PAK1: variants seen among roughly 807,000 people sequenced by gnomAD.
PAK1 encodes the protein p21 (RAC1) activated kinase 1.
In PAK1, 29 loss-of-function variants were observed where a neutral mutation model predicts 67.4. The observed-to-expected ratio is 0.43, with a 90% confidence interval of 0.32 to 0.59. PAK1 has a LOEUF of 0.59. PAK1 is among the 20% of genes least tolerant of loss of function. The pLI, the probability that PAK1 is intolerant of heterozygous loss-of-function variation, is 0.07. For synonymous variants in PAK1, 223 were observed against 237.4 expected, an observed-to-expected ratio of 0.94 and a Z score of 0.56; for missense variants, 337 against 670.7, an observed-to-expected ratio of 0.50 and a Z score of 5.50.
chr11:77,505,473 G>C, the PAK1 span, among the ~76,000 whole-genome samples: 39 of 152,134 alleles, frequency 2.6e-4, 1 homozygote, highest in Non-Finnish European at 1.2e-4. Flanking sequence ...CAGGCGTAAG[G>C]TAACATGCCT....
At chr11:77,409,113 T>A (rs1160348833) in intron 1 of PAK1, among the ~76,000 whole-genome samples, 1 of 89,488 alleles carries the variant, frequency 1.1e-5, no homozygotes, top group Non-Finnish European at 3.3e-5. Context: ...AAAAAAAAAT[T>A]TTTTTTTTAT....
At chr11:77,474,920 A>G (rs1162754588), upstream of PAK1, 1 of 152,236 alleles carries the variant, frequency 6.6e-6, no homozygotes, top group Non-Finnish European at 1.5e-5. Context: ...AGACAGCATT[A>G]GAAAGGCTAA....
chr11:77,374,798 G>A (rs1948885402), intron 4 of PAK1, among the ~76,000 whole-genome samples: 1 of 152,134 alleles, frequency 6.6e-6, no homozygotes, highest in African/African-American at 2.4e-5. Context: ...GCACGTTACT[G>A]CAGGCAACTG....
At chr11:77,381,874 A>G (rs1949882211) in intron 2 of PAK1, among the ~76,000 whole-genome samples, 1 of 152,150 alleles carries the variant, frequency 6.6e-6, no homozygotes, top group Non-Finnish European at 1.5e-5. Context: ...GCACTTGGCA[A>G]TTTCCCTCTC....
upstream of PAK1, among the ~76,000 whole-genome samples, chr11:77,478,875 G>T (rs550856638): frequency 1.4e-3 from 200 of 146,020 alleles, 1 homozygote; most frequent in African/African-American, 4.9e-3. Flanking sequence ...AGGAGATCGA[G>T]ACCATCCTGG....
intron 1 of PAK1, among the ~76,000 whole-genome samples, chr11:77,431,092 T>C (rs945366582): frequency 1.3e-5 from 2 of 148,904 alleles, no homozygotes; most frequent in African/African-American, 4.9e-5. Flanking sequence ...GCTCAGTCCA[T>C]GGAAAAATTG....
At chr11:77,418,483 A>G (rs1251832389) in intron 1 of PAK1, among the ~76,000 whole-genome samples, 2 of 152,234 alleles carry the variant, frequency 1.3e-5, no homozygotes, top group African/African-American at 4.8e-5. Flanking sequence ...ATTTTTATCC[A>G]CTGCAATGCC....
chr11:77,431,509 T>C (rs1565698293), intron 1 of PAK1, among the ~76,000 whole-genome samples: 1 of 152,162 alleles, frequency 6.6e-6, no homozygotes, highest in Non-Finnish European at 1.5e-5. Flanking sequence ...ACTTATGTGA[T>C]GCTAAGGGAA....
In PAK1 at chr11:77,322,389, G is replaced by C. The variant is rs1023704403; in HGVS notation, c.*885C>G. The C allele has an allele frequency of 1.0e-5, 2 of 196,174 alleles. No homozygotes were observed. The highest frequency in any genetic ancestry group is 4.6e-5 in the African/African-American group (2 of 43,290). 12.2% of individuals were successfully genotyped at this position (196,174 alleles called of 1,614,324 possible). The stretch of plus-strand genomic sequence containing the variant: ...TTAGAAGATCCAAGTTAATCTTTCA[G>C]CTCCTTATCCTAGGCAGAAAAAGGG... On this transcript the variant is annotated 3_prime_UTR_variant, in exon 15 of 15. Coordinates refer to ENST00000356341, the MANE Select transcript of PAK1 (RefSeq NM_002576.5).
At chr11:77,510,936 C>G in the PAK1 span, among the ~76,000 whole-genome samples, 3 of 152,242 alleles carry the variant, frequency 2.0e-5, no homozygotes, top group African/African-American at 7.2e-5. Context: ...TTTAACTTAT[C>G]CTTTTTGTTT....
At chr11:77,524,349 C>T in the PAK1 span, among the ~76,000 whole-genome samples, 2 of 152,160 alleles carry the variant, frequency 1.3e-5, no homozygotes, top group Non-Finnish European at 2.9e-5. Context: ...AGAACATGCC[C>T]CCTGGAGTGT....
chr11:77,447,293 G>C (rs1956656498), intron 1 of PAK1, among the ~76,000 whole-genome samples: 1 of 152,194 alleles, frequency 6.6e-6, no homozygotes, highest in Non-Finnish European at 1.5e-5. Flanking sequence ...GTTGGGATAA[G>C]AATCCCATTA....
At chr11:77,366,115 A>AT (rs1038157985) in intron 5 of PAK1, among the ~76,000 whole-genome samples, 7 of 152,232 alleles carry the variant, frequency 4.6e-5, no homozygotes, top group Admixed American at 2.0e-4. Context: ...CAACAAAACT[A>AT]TCCTTCAAAA....
At chr11:77,527,935 A>T in the PAK1 span, among the ~76,000 whole-genome samples, 1 of 151,760 alleles carries the variant, frequency 6.6e-6, no homozygotes, top group South Asian at 2.1e-4. Context: ...CTGGAGCCTC[A>T]ACCTCTCAGG....
chr11:77,423,876 A>C (rs1036776763), intron 1 of PAK1, among the ~76,000 whole-genome samples: 1 of 152,222 alleles, frequency 6.6e-6, no homozygotes, highest in Non-Finnish European at 1.5e-5. Context: ...CACAGGCTGT[A>C]GTCTGATGAC....
chr11:77,438,582 G>A (rs114796995), intron 1 of PAK1, among the ~76,000 whole-genome samples: 4,890 of 152,236 alleles, frequency 0.032, 131 homozygotes, highest in African/African-American at 0.074. Context: ...AACTAATGCT[G>A]TTGCTCCCAA....
chr11:77,498,020 A>G, the PAK1 span, among the ~76,000 whole-genome samples: 1 of 152,244 alleles, frequency 6.6e-6, no homozygotes, highest in African/African-American at 2.4e-5. Context: ...AGTATTTTCT[A>G]TTCTATTTTA....
chr11:77,503,551 G>C, the PAK1 span, among the ~76,000 whole-genome samples: 1 of 152,212 alleles, frequency 6.6e-6, no homozygotes, highest in African/African-American at 2.4e-5. Context: ...AGCCATATTA[G>C]AAATTGAAAT....
the PAK1 span, among the ~76,000 whole-genome samples, chr11:77,482,701 C>T: frequency 2.0e-5 from 3 of 151,616 alleles, no homozygotes; most frequent in Non-Finnish European, 4.4e-5. Context: ...TCAAGCAATC[C>T]TCCCACCTCA....
Sources: allele counts gnomAD v4.1 joint callset (sites outside exome capture counted in the v4.1 genomes callset), GRCh38; gene constraint gnomAD v4.1.1; transcripts MANE v1.5; gene names NCBI Gene and HGNC (gene_info 2026-07-23, HGNC 2026-07-21).